The following GALNT14 variants were observed in gnomAD, a reference collection of about 807,000 sequenced individuals.
The protein encoded by GALNT14 is polypeptide N-acetylgalactosaminyltransferase 14.
In GALNT14, 60 loss-of-function variants were observed where a neutral mutation model predicts 77.5. The observed-to-expected ratio is 0.77, with a 90% CI of 0.63 to 0.96. The LOEUF (loss-of-function observed/expected upper bound fraction) is 0.96. GALNT14 is among the 40% of genes least tolerant of loss of function. The pLI, the probability that GALNT14 is intolerant of heterozygous loss-of-function variation, is 0.00. For synonymous variants in GALNT14, 280 were observed against 281.7 expected (o/e 0.99, Z 0.06); for missense variants, 710 against 731.0 (o/e 0.97, Z 0.33).
At chr2:30,891,623 C>T in the GALNT14 span, among the ~76,000 whole-genome samples, 1 of 152,170 alleles carries the variant, frequency 6.6e-6, no homozygotes, top group Non-Finnish European at 1.5e-5. Flanking sequence ...GGCTGTCCTG[C>T]ATCAGTGTTG....
chr2:30,973,506 C>G (rs575504076), intron 2 of GALNT14, among the ~76,000 whole-genome samples: 3 of 152,304 alleles, frequency 2.0e-5, no homozygotes, highest in Non-Finnish European at 4.4e-5. Flanking sequence ...ACATCTAACA[C>G]CTCCACAGCT....
chr2:31,102,028 C>T (rs1276398805), intron 1 of GALNT14, among the ~76,000 whole-genome samples: 1 of 152,060 alleles, frequency 6.6e-6, no homozygotes, highest in Admixed American at 6.6e-5. Context: ...CCTTCCCAGC[C>T]ATGCTGAACT....
intron 9 of GALNT14, among the ~76,000 whole-genome samples, 179 bp from the exon 10 acceptor site, chr2:30,932,373 T>C (rs1558416869): frequency 1.3e-5 from 2 of 152,356 alleles, no homozygotes; most frequent in East Asian, 3.9e-4. Flanking sequence ...GGAATAGTCC[T>C]ACCACTTTGG....
At chr2:31,112,460 C>T (rs1677890362) in intron 1 of GALNT14, among the ~76,000 whole-genome samples, 2 of 152,224 alleles carry the variant, frequency 1.3e-5, no homozygotes, top group Non-Finnish European at 2.9e-5. Context: ...ATGTATGGGA[C>T]AGCACCAGGC....
At position 30,944,731 on chromosome 2, in the gene GALNT14, G is replaced by C. The variant is rs934250645; in HGVS notation, c.827+127C>G. ...CTCCTAAAATAAAGGCAAAAGTGGA[G>C]ATGGCCTGGCAAAGGGCTCCCTTTG... On this transcript the variant is annotated intron_variant, in intron 8 of 14. Transcript: ENST00000349752. 8.7e-6 allele frequency: 6 copies of C among 687,052 alleles called. No individual in the cohort carries two copies. In the African/African-American group the frequency reaches 1.1e-4, roughly 12 times the overall value. 42.6% of individuals were successfully genotyped at this position (687,052 alleles called of 1,614,324 possible). A position where few individuals can be genotyped will look rare whatever the true frequency, so the allele number is the denominator to read the frequency against.
At chr2:31,122,875 A>G (rs1334095987) in intron 1 of GALNT14, among the ~76,000 whole-genome samples, 2 of 152,224 alleles carry the variant, frequency 1.3e-5, no homozygotes, top group African/African-American at 4.8e-5. Context: ...TCGTAAAGGA[A>G]TTCGGCTCCA....
chr2:31,068,866 G>A (rs1048375250), intron 1 of GALNT14, among the ~76,000 whole-genome samples: 1 of 152,224 alleles, frequency 6.6e-6, no homozygotes, highest in Non-Finnish European at 1.5e-5. Flanking sequence ...TGAACCTTGA[G>A]AACATCATGG....
intron 1 of GALNT14, among the ~76,000 whole-genome samples, chr2:31,050,062 G>A (rs1033784732): frequency 6.6e-6 from 1 of 152,086 alleles, no homozygotes; most frequent in East Asian, 1.9e-4. Context: ...TGTATACCAT[G>A]TCCTGGCCAC....
At chr2:30,929,223 C>A (rs1276830587) in intron 11 of GALNT14, among the ~76,000 whole-genome samples, 172 bp downstream of exon 11, 1 of 152,238 alleles carries the variant, frequency 6.6e-6, no homozygotes, top group African/African-American at 2.4e-5. Context: ...TAAAGCCCTG[C>A]ACATCCAGAG....
At chr2:30,998,374 G>A (rs1670164835) in intron 1 of GALNT14, among the ~76,000 whole-genome samples, 3 of 152,040 alleles carry the variant, frequency 2.0e-5, no homozygotes, top group African/African-American at 7.2e-5. Context: ...CCTTCTGTTA[G>A]GATTTAAAGC....
At chr2:30,996,348 G>C (rs541880826) in intron 1 of GALNT14, among the ~76,000 whole-genome samples, 6 of 152,374 alleles carry the variant, frequency 3.9e-5, no homozygotes, top group African/African-American at 1.4e-4. Flanking sequence ...CCTGAAGCAG[G>C]TCATGGAGAA....
the GALNT14 span, among the ~76,000 whole-genome samples, chr2:30,905,173 C>T: frequency 2.0e-5 from 3 of 152,086 alleles, no homozygotes; most frequent in African/African-American, 4.8e-5. Context: ...TCCAAAGGAA[C>T]GCAGTTCCTC....
intron 6 of GALNT14, among the ~76,000 whole-genome samples, chr2:30,950,993 C>A (rs528139256): frequency 6.6e-6 from 1 of 152,178 alleles, no homozygotes; most frequent in Non-Finnish European, 1.5e-5. Flanking sequence ...TCTGCAGGGA[C>A]AAAATCAGCC....
intron 2 of GALNT14, among the ~76,000 whole-genome samples, chr2:30,967,036 T>C (rs577293925): frequency 6.6e-4 from 101 of 152,280 alleles, no homozygotes; most frequent in African/African-American, 2.2e-3. Flanking sequence ...TATCACTGGG[T>C]AAATGCTTCC....
At chr2:31,010,251 G>T (rs1670934781) in intron 1 of GALNT14, among the ~76,000 whole-genome samples, 1 of 152,138 alleles carries the variant, frequency 6.6e-6, no homozygotes, top group East Asian at 1.9e-4. Context: ...GCCTCCCAAA[G>T]TGCTGGGATT....
intron 1 of GALNT14, among the ~76,000 whole-genome samples, chr2:31,072,607 G>C (rs1425758805): frequency 2.0e-5 from 3 of 152,114 alleles, no homozygotes; most frequent in Non-Finnish European, 4.4e-5. Context: ...AGGAGACCTA[G>C]AGGACAACTA....
downstream of GALNT14, among the ~76,000 whole-genome samples, chr2:30,906,746 C>T: frequency 6.6e-6 from 1 of 152,180 alleles, no homozygotes; most frequent in Non-Finnish European, 1.5e-5. Flanking sequence ...CCCAAATCAA[C>T]AGAATATACA....
chr2:31,109,370 C>T (rs1488182256), intron 1 of GALNT14, among the ~76,000 whole-genome samples: 3 of 152,130 alleles, frequency 2.0e-5, no homozygotes, highest in Non-Finnish European at 2.9e-5. Flanking sequence ...AGGAAGCCAC[C>T]CATTGAGTTG....
chr2:30,980,921 A>C (rs1668951936), intron 2 of GALNT14, among the ~76,000 whole-genome samples: 1 of 152,256 alleles, frequency 6.6e-6, no homozygotes. Context: ...GTCTCTACTA[A>C]GATTAGCTGG....
Sources: gnomAD v4.1 joint callset for allele counts (sites outside exome capture counted in the v4.1 genomes callset) on GRCh38, gnomAD v4.1.1 for gene constraint, MANE v1.5 for transcripts, NCBI Gene and HGNC (gene_info 2026-07-23, HGNC 2026-07-21) for gene names.